The following DLG2 variants were observed in gnomAD, a reference collection of about 807,000 sequenced individuals.
The protein encoded by DLG2 is discs large MAGUK scaffold protein 2, also known as disks large homolog 2.
Under a neutral mutation model 132.5 loss-of-function variants are expected in DLG2, and 45 were observed. That is an observed-to-expected ratio of 0.34 (90% CI 0.27 to 0.44). DLG2 has a LOEUF of 0.44. DLG2 is among the 20% of genes least tolerant of loss of function. The pLI is 1.00. For missense variants in DLG2, 1,045 were observed against 1,196.9 expected (o/e 0.87, Z 1.87); for synonymous variants, 424 against 419.6 (o/e 1.01, Z -0.13).
At chr11:84,672,355 T>A (rs1356934721) in intron 6 of DLG2, among the ~76,000 whole-genome samples, 1 of 152,068 alleles carries the variant, frequency 6.6e-6, no homozygotes, top group African/African-American at 2.4e-5. Flanking sequence ...GAAGCATATC[T>A]CAGGCAAAGA....
At chr11:83,727,527 T>C (rs987100948) in intron 18 of DLG2, among the ~76,000 whole-genome samples, 3 of 152,220 alleles carry the variant, frequency 2.0e-5, no homozygotes, top group African/African-American at 7.2e-5. Flanking sequence ...GAGTCATTAT[T>C]ACTTGGCTCC....
chr11:85,399,978 A>G (rs1372220860), intron 3 of DLG2, among the ~76,000 whole-genome samples: 1 of 152,042 alleles, frequency 6.6e-6, no homozygotes, highest in African/African-American at 2.4e-5. Flanking sequence ...AGAAACTACC[A>G]TCAGAGTGAA....
chr11:85,576,166 TTC>T (rs1393224403), intron 3 of DLG2, among the ~76,000 whole-genome samples: 6 of 152,218 alleles, frequency 3.9e-5, no homozygotes, highest in Non-Finnish European at 7.3e-5. Context: ...CATATTTTTA[TTC>T]TGTCAAATTG....
chr11:84,687,348 T>C (rs923401617), intron 6 of DLG2: 1 of 152,150 alleles, frequency 6.6e-6, no homozygotes, highest in African/African-American at 2.4e-5. Flanking sequence ...TGAATGAGTA[T>C]GAATCCTTAG....
intron 18 of DLG2, among the ~76,000 whole-genome samples, chr11:83,649,007 G>GATT (rs1471859755): frequency 3.3e-5 from 5 of 152,078 alleles, no homozygotes; most frequent in African/African-American, 1.2e-4. Flanking sequence ...TGTTGCTAAA[G>GATT]ATTATTATGA....
At chr11:84,501,843 T>C (rs1353954549) in intron 7 of DLG2, among the ~76,000 whole-genome samples, 1 of 152,094 alleles carries the variant, frequency 6.6e-6, no homozygotes, top group East Asian at 1.9e-4. Context: ...ATAAATGATA[T>C]AGTAGAAAAA....
chr11:84,527,929 C>G (rs1171395731), intron 7 of DLG2, among the ~76,000 whole-genome samples: 3 of 151,446 alleles, frequency 2.0e-5, no homozygotes, highest in Admixed American at 6.6e-5. Context: ...CTCTCTCTCT[C>G]TCTCTCGCTA....
intron 7 of DLG2, among the ~76,000 whole-genome samples, chr11:84,377,298 T>TA (rs923530200): frequency 1.2e-4 from 18 of 152,056 alleles, no homozygotes; most frequent in African/African-American, 4.1e-4. Context: ...CATTAAATTT[T>TA]AAAAAAAGGA....
At chr11:84,954,218 C>A (rs1292272394) in intron 6 of DLG2, among the ~76,000 whole-genome samples, 1 of 152,020 alleles carries the variant, frequency 6.6e-6, no homozygotes, top group Non-Finnish European at 1.5e-5. Flanking sequence ...GCATTGGACT[C>A]TCCTCTTTCT....
At chr11:85,148,800 C>A (rs997710084) in intron 5 of DLG2, among the ~76,000 whole-genome samples, 5 of 152,034 alleles carry the variant, frequency 3.3e-5, no homozygotes, top group Non-Finnish European at 7.4e-5. Flanking sequence ...TTGCTTTTGG[C>A]ATGTTCATCA....
intron 3 of DLG2, among the ~76,000 whole-genome samples, chr11:85,353,571 A>G (rs931622726): frequency 6.6e-6 from 1 of 152,236 alleles, no homozygotes; most frequent in Non-Finnish European, 1.5e-5. Flanking sequence ...CACAATAGCA[A>G]AGACTTGGAA....
chr11:84,349,540 A>G (rs2098553393), intron 7 of DLG2, among the ~76,000 whole-genome samples: 2 of 152,206 alleles, frequency 1.3e-5, no homozygotes, highest in Admixed American at 6.5e-5. Flanking sequence ...CTACATTGTG[A>G]ATGACACACC....
intron 6 of DLG2, among the ~76,000 whole-genome samples, chr11:84,743,301 A>G (rs1462327576): frequency 6.6e-6 from 1 of 152,226 alleles, no homozygotes; most frequent in Admixed American, 6.5e-5. Flanking sequence ...ACTCTTAAAG[A>G]TACTAAAAAT....
At chr11:84,973,537 G>T (rs1022747759) in intron 6 of DLG2, among the ~76,000 whole-genome samples, 1 of 152,108 alleles carries the variant, frequency 6.6e-6, no homozygotes, top group Non-Finnish European at 1.5e-5. Context: ...GGTAATCCGA[G>T]TTACAATTTA....
chr11:85,128,765 G>A lies in DLG2; in HGVS notation c.283-17030C>T, dbSNP rs1238818396. ...CGTAGGGAATTCCATTATATAAAATGTGTTGCATTAGTTATTGGATTGTGT... is the reference window on the plus strand; with the variant it reads ...CGTAGGGAATTCCATTATATAAAATATGTTGCATTAGTTATTGGATTGTGT... On this transcript the variant is annotated intron_variant, in intron 5 of 27. Transcript: ENST00000376104. 2.0e-5 allele frequency among the ~76,000 whole-genome samples: 3 copies of A among 152,076 alleles called. No homozygotes were observed. The East Asian group carries it at 5.8e-4, about 29-fold the overall frequency.
intron 3 of DLG2, among the ~76,000 whole-genome samples, chr11:85,576,679 G>A (rs1192062293): frequency 6.6e-6 from 1 of 152,128 alleles, no homozygotes; most frequent in East Asian, 1.9e-4. Flanking sequence ...CATGAACTCT[G>A]CTAAGTGTTA....
chr11:85,029,192 C>CT (rs11374561), intron 6 of DLG2, among the ~76,000 whole-genome samples: 78,459 of 148,180 alleles, frequency 0.53, 20,888 homozygotes, highest in East Asian at 0.69. Context: ...AGTTACCACT[C>CT]TTTTTTTTTT....
intron 4 of DLG2, among the ~76,000 whole-genome samples, chr11:85,162,266 C>T (rs1594958804): frequency 1.3e-5 from 2 of 152,100 alleles, no homozygotes; most frequent in African/African-American, 4.8e-5. Context: ...TATTACCATG[C>T]CCTGTGATTA....
chr11:84,926,059 G>A (rs12271605), intron 6 of DLG2, among the ~76,000 whole-genome samples: 2 of 152,046 alleles, frequency 1.3e-5, no homozygotes, highest in Non-Finnish European at 2.9e-5. Flanking sequence ...ATTGGGAATT[G>A]TTTTAATATA....
Sources: gnomAD v4.1 joint callset for allele counts (sites outside exome capture counted in the v4.1 genomes callset) on GRCh38, gnomAD v4.1.1 for gene constraint, MANE v1.5 for transcripts, NCBI Gene and HGNC (gene_info 2026-07-23, HGNC 2026-07-21) for gene names.